ZHX2: variants seen among roughly 807,000 people sequenced by gnomAD.
ZHX2 encodes zinc fingers and homeoboxes 2, also known as zinc fingers and homeoboxes protein 2.
Under a neutral mutation model 21.9 loss-of-function variants are expected in ZHX2, and 6 were observed. The ratio of observed to expected loss-of-function variants is 0.27; its 90% CI spans 0.15 to 0.54. The LOEUF is 0.54. ZHX2 is among the 20% of genes least tolerant of loss of function. The pLI, the probability that ZHX2 is intolerant of heterozygous loss-of-function variation, is 0.95. For missense variants in ZHX2, 908 were observed against 1,090.7 expected, an observed-to-expected ratio of 0.83 and a Z score of 2.36; for synonymous variants, 434 against 437.1, an observed-to-expected ratio of 0.99 and a Z score of 0.09.
intron 1 of ZHX2, among the ~76,000 whole-genome samples, chr8:122,789,817 A>G (rs1817475742): frequency 6.6e-6 from 1 of 152,224 alleles, no homozygotes; most frequent in Non-Finnish European, 1.5e-5. Flanking sequence ...ATTATCTTGT[A>G]GAACTGCCTG....
intron 1 of ZHX2, chr8:122,807,946 T>G (rs928921220): frequency 2.0e-5 from 3 of 152,190 alleles, no homozygotes; most frequent in African/African-American, 7.2e-5. Context: ...CCTTTTATTT[T>G]ACAAATGAGG....
intron 1 of ZHX2, among the ~76,000 whole-genome samples, chr8:122,818,062 C>T (rs1818070230): frequency 6.6e-6 from 1 of 152,186 alleles, no homozygotes; most frequent in Non-Finnish European, 1.5e-5. Context: ...CTCATCATCA[C>T]CCCCTTTTTA....
At chr8:122,922,081 C>G (rs942229064) in intron 2 of ZHX2, among the ~76,000 whole-genome samples, 1 of 152,184 alleles carries the variant, frequency 6.6e-6, no homozygotes, top group Middle Eastern at 3.4e-3. Flanking sequence ...ACACTTGTAG[C>G]TCTTTGTGCT....
At chr8:122,791,821 T>A (rs1359607637) in intron 1 of ZHX2, among the ~76,000 whole-genome samples, 1 of 149,676 alleles carries the variant, frequency 6.7e-6, no homozygotes, top group East Asian at 2.0e-4. Flanking sequence ...GCCGAGATCA[T>A]GCCACTGCAC....
intron 3 of ZHX2, among the ~76,000 whole-genome samples, chr8:122,972,348 A>G (rs1449285335): frequency 1.3e-5 from 2 of 152,168 alleles, no homozygotes; most frequent in Admixed American, 6.5e-5. Context: ...GACTATTTTC[A>G]TTACTTCCAA....
At chr8:122,817,251 T>A (rs1818054662) in intron 1 of ZHX2, among the ~76,000 whole-genome samples, 1 of 152,220 alleles carries the variant, frequency 6.6e-6, no homozygotes, top group East Asian at 1.9e-4. Flanking sequence ...GCCCGCGTGC[T>A]TTCCACACCC....
At chr8:122,810,515 A>G (rs1817904516) in intron 1 of ZHX2, 1 of 152,264 alleles carries the variant, frequency 6.6e-6, no homozygotes, top group Non-Finnish European at 1.5e-5. Flanking sequence ...AATTCAGAGA[A>G]CAGCATCAAG....
At chr8:122,942,363 G>T (rs1355275918) in intron 2 of ZHX2, among the ~76,000 whole-genome samples, 1 of 152,078 alleles carries the variant, frequency 6.6e-6, no homozygotes, top group African/African-American at 2.4e-5. Context: ...ATCCTTTTTG[G>T]TTTTGATGTC....
intron 1 of ZHX2, among the ~76,000 whole-genome samples, chr8:122,842,748 C>T (rs184839423): frequency 1.9e-3 from 292 of 152,296 alleles, no homozygotes; most frequent in Admixed American, 6.1e-3. Context: ...ACCCCAGAAC[C>T]TAAAGCCTCC....
intron 1 of ZHX2, among the ~76,000 whole-genome samples, chr8:122,798,784 C>A (rs1044785385): frequency 6.7e-6 from 1 of 148,712 alleles, no homozygotes; most frequent in East Asian, 2.0e-4. Context: ...GGGGACAGAG[C>A]GAGAGCGAGA....
chr8:122,844,789 G>A (rs7006116), intron 1 of ZHX2, among the ~76,000 whole-genome samples: 9,296 of 152,142 alleles, frequency 0.061, 291 homozygotes, highest in Middle Eastern at 0.11. Context: ...TAGCAGAAAG[G>A]CAATGACTGC....
Position 122,910,089 on chromosome 8 carries a change from CAG to C in ZHX2, c.-219-41200_-219-41199del, listed in dbSNP as rs1385367003. Among the ~76,000 whole-genome samples, 3 of 151,744 alleles carry C rather than the reference CAG, an allele frequency of 2.0e-5. No individual in the cohort carries two copies. The East Asian group carries it at 5.8e-4, about 29-fold the overall frequency. ...ACCCAGTAAACCTCTGCTTGCTTCT[CAG>C]AGCCCAGCTCAGGAATCTCTTCCTC... On this transcript the variant is annotated intron_variant, in intron 2 of 3. Transcript: ENST00000314393.
At chr8:122,962,561 C>T (rs4870835) in intron 3 of ZHX2, among the ~76,000 whole-genome samples, 108,580 of 152,074 alleles carry the variant, frequency 0.71, 39,549 homozygotes, top group African/African-American at 0.87. Flanking sequence ...ATTTTTGCAA[C>T]TGTGAATTTT....
chr8:122,938,558 C>G (rs998254687), intron 2 of ZHX2, among the ~76,000 whole-genome samples: 1 of 151,982 alleles, frequency 6.6e-6, no homozygotes, highest in African/African-American at 2.4e-5. Flanking sequence ...GCTGAGGGGC[C>G]GGGCACAGTG....
At chr8:122,972,757 G>A (rs1425229748) in intron 3 of ZHX2, among the ~76,000 whole-genome samples, 1 of 152,112 alleles carries the variant, frequency 6.6e-6, no homozygotes, top group African/African-American at 2.4e-5. Flanking sequence ...TCTAAGGTGG[G>A]TGCTAGTGTC....
At chr8:122,844,548 C>G (rs1459063679) in intron 1 of ZHX2, among the ~76,000 whole-genome samples, 3 of 152,092 alleles carry the variant, frequency 2.0e-5, no homozygotes, top group Admixed American at 6.5e-5. Context: ...AACTGGGGTC[C>G]GGAGAGAGGA....
chr8:122,881,658 T>G (rs532843190), intron 2 of ZHX2, among the ~76,000 whole-genome samples: 22 of 152,312 alleles, frequency 1.4e-4, no homozygotes, highest in African/African-American at 5.1e-4. Flanking sequence ...AAAAGGCATC[T>G]CATGATGACA....
intron 1 of ZHX2, among the ~76,000 whole-genome samples, chr8:122,847,912 C>G (rs1818789631): frequency 6.6e-6 from 1 of 152,172 alleles, no homozygotes; most frequent in South Asian, 2.1e-4. Flanking sequence ...GGCCCTTAGA[C>G]AGTAATGAAC....
At chr8:122,929,698 C>G (rs1198280823) in intron 2 of ZHX2, among the ~76,000 whole-genome samples, 2 of 151,292 alleles carry the variant, frequency 1.3e-5, no homozygotes, top group Admixed American at 1.3e-4. Context: ...TAAAGCAAAT[C>G]TCAAAGACAT....
Sources: gnomAD v4.1 joint callset for allele counts (sites outside exome capture counted in the v4.1 genomes callset) on GRCh38, gnomAD v4.1.1 for gene constraint, MANE v1.5 for transcripts, NCBI Gene and HGNC (gene_info 2026-07-23, HGNC 2026-07-21) for gene names.